The following MIER1 variants were observed in gnomAD, a reference collection of about 807,000 sequenced individuals.
The protein encoded by MIER1 is MIER1 transcriptional regulator.
A neutral mutation model predicts 75.7 loss-of-function variants in MIER1; 40 were observed. The observed-to-expected ratio is 0.53, with a 90% CI of 0.41 to 0.69. The LOEUF (loss-of-function observed/expected upper bound fraction) is 0.69. MIER1 is among the 30% of genes least tolerant of loss of function. MIER1 has a pLI of 0.00. For synonymous variants in MIER1, 213 were observed against 223.4 expected (o/e 0.95, Z 0.42); for missense variants, 574 against 680.2 (o/e 0.84, Z 1.74).
rs1427447891 is a variant in MIER1 at position 66,963,144 on chromosome 1, C to T, written c.756C>T (p.Tyr252=). The part of the protein sequence containing the change: ...QAEIPVGICR[Y]KENEKVYEND... ...AAATTCCAGTTGGCATTTGTAGATA[C>T]AAAGAAAATGAAAAAGGTGGGTTAT... The change falls in exon 8 of 14, where the codon TAC becomes TAT. Residue 252 remains tyrosine (Y), a synonymous_variant. Transcript: ENST00000401041. 2 of 1,608,764 alleles carry T rather than the reference C, an allele frequency of 1.2e-6. No individual in the cohort carries two copies. The highest frequency in any genetic ancestry group is 2.7e-5 in the African/African-American group (2 of 74,704).
intron 3 of MIER1, among the ~76,000 whole-genome samples, chr1:66,944,633 A>C (rs1044395768): frequency 6.6e-6 from 1 of 152,044 alleles, no homozygotes; most frequent in Non-Finnish European, 1.5e-5. Context: ...TGCAGTTTTA[A>C]TAAATTTTGC....
chr1:66,973,810 GT>G (rs1258598000), intron 11 of MIER1, among the ~76,000 whole-genome samples: 1 of 152,026 alleles, frequency 6.6e-6, no homozygotes, highest in Non-Finnish European at 1.5e-5. Context: ...TTTTTAGTTA[GT>G]AGAAATGACA....
intron 4 of MIER1, among the ~76,000 whole-genome samples, chr1:66,956,632 G>T (rs1236819840): frequency 6.6e-6 from 1 of 152,190 alleles, no homozygotes; most frequent in Non-Finnish European, 1.5e-5. Flanking sequence ...TTGTTTGCCA[G>T]CTGGTTATTT....
At chr1:66,959,911 T>A (rs1660924224) in intron 7 of MIER1, 168 bp downstream of exon 7, 2 of 340,752 alleles carry the variant, frequency 5.9e-6, no homozygotes, top group South Asian at 8.9e-5. Flanking sequence ...TTAACACATC[T>A]AGGTTAGATT....
At chr1:66,954,172 G>T (rs1168917851) in intron 4 of MIER1, among the ~76,000 whole-genome samples, 1 of 152,142 alleles carries the variant, frequency 6.6e-6, no homozygotes, top group African/African-American at 2.4e-5. Flanking sequence ...AGGTGAATGT[G>T]TAGTGAATGA....
chr1:66,942,435 A>G lies in MIER1; in HGVS notation c.193+2383A>G, dbSNP rs1656463041. Among the ~76,000 whole-genome samples, 3 of 152,218 alleles carry G rather than the reference A, an allele frequency of 2.0e-5. 1 individual carries two copies. The highest frequency in any genetic ancestry group is 2.0e-4 in the Admixed American group (3 of 15,288). On this transcript the variant is annotated intron_variant, in intron 3 of 13. Transcript: ENST00000401041. Reference sequence around the variant, plus strand: ...TTAAAAAGTGATTAAATGAGTAGACATGATACAAACTGAATTTACCTTTGA... The same window carrying G: ...TTAAAAAGTGATTAAATGAGTAGACGTGATACAAACTGAATTTACCTTTGA...
intron 4 of MIER1, among the ~76,000 whole-genome samples, chr1:66,951,933 C>T (rs562486947): frequency 2.6e-5 from 4 of 152,184 alleles, no homozygotes; most frequent in Admixed American, 6.5e-5. Flanking sequence ...TGCCTGGGTT[C>T]GTAATCCAGT....
At chr1:66,936,030 T>C (rs780034016) in intron 2 of MIER1, among the ~76,000 whole-genome samples, 1 of 152,214 alleles carries the variant, frequency 6.6e-6, no homozygotes, top group Non-Finnish European at 1.5e-5. Context: ...TTTTAAAATA[T>C]ATCAGTAGGA....
intron 2 of MIER1, among the ~76,000 whole-genome samples, chr1:66,937,875 A>C (rs1655287867): frequency 6.6e-6 from 1 of 152,194 alleles, no homozygotes; most frequent in South Asian, 2.1e-4. Context: ...ACCCCCAAAC[A>C]TATAGAACAG....
intron 12 of MIER1, among the ~76,000 whole-genome samples, chr1:66,978,648 T>A (rs1292023444): frequency 1.3e-5 from 2 of 152,212 alleles, no homozygotes; most frequent in African/African-American, 4.8e-5. Context: ...ACATCTTTTA[T>A]TTTTTTCAAC....
At chr1:66,972,247 T>TATATATATATAG (rs1182743224) in intron 10 of MIER1, among the ~76,000 whole-genome samples, 2 of 88,792 alleles carry the variant, frequency 2.3e-5, no homozygotes, top group Non-Finnish European at 4.2e-5. Context: ...TATATATATA[T>TATATATATATAG]ATATATATAT....
At position 66,985,240 on chromosome 1, in the gene MIER1, TTAA is replaced by T; in HGVS notation, c.*342_*344del. ...TATCTGTACCTTCTCATTTGATGTA[TTAA>T]TCATAAAATTTCACTACAAGGTAAT... is the stretch of plus-strand genomic sequence containing the variant. On this transcript the variant is annotated 3_prime_UTR_variant, in exon 14 of 14. Coordinates refer to ENST00000401041, the MANE Select transcript of MIER1 (RefSeq NM_001077700.3). 1.0e-6 allele frequency: 1 copy of T among 971,686 alleles called. No homozygotes were observed. Among genetic ancestry groups the T allele is most frequent in the South Asian group, 4.8e-5 (1 of 20,936 alleles). 60.2% of individuals were successfully genotyped at this position (971,686 alleles called of 1,614,324 possible).
At chr1:66,962,924 T>C (rs183151613) in intron 7 of MIER1, among the ~76,000 whole-genome samples, 164 bp from the exon 8 acceptor site, 114 of 152,338 alleles carry the variant, frequency 7.5e-4, no homozygotes, top group African/African-American at 2.4e-3. Flanking sequence ...CCAGTCATTA[T>C]TTGTCATTCA....
At chr1:66,966,449 G>T (rs1199854574) in intron 8 of MIER1, among the ~76,000 whole-genome samples, 4 of 152,154 alleles carry the variant, frequency 2.6e-5, no homozygotes, top group African/African-American at 9.7e-5. Context: ...TGGACATTTG[G>T]GTTGGTTCCA....
intron 2 of MIER1, chr1:66,928,921 G>A: frequency 1.2e-6 from 2 of 1,609,414 alleles, no homozygotes; most frequent in Non-Finnish European, 1.7e-6. Context: ...TGTTTAATTG[G>A]TTTACAGACT....
At chr1:66,951,253 C>T (rs1385853070) in intron 4 of MIER1, among the ~76,000 whole-genome samples, 1 of 152,152 alleles carries the variant, frequency 6.6e-6, no homozygotes, top group African/African-American at 2.4e-5. Context: ...CCTCACCTCC[C>T]ACGTAGCTGG....
At chr1:66,980,308 A>G (rs890488353) in intron 12 of MIER1, among the ~76,000 whole-genome samples, 5 of 152,224 alleles carry the variant, frequency 3.3e-5, no homozygotes, top group African/African-American at 1.2e-4. Flanking sequence ...TAGGTATTCA[A>G]GACCATCTAA....
At chr1:66,930,179 C>T (rs1362062697) in intron 2 of MIER1, 7 of 1,309,564 alleles carry the variant, frequency 5.3e-6, no homozygotes, top group Non-Finnish European at 4.9e-6. Flanking sequence ...TGGTCTTTTC[C>T]CTCCAGTCCA....
intron 2 of MIER1, among the ~76,000 whole-genome samples, chr1:66,926,757 T>C (rs114954262): frequency 3.9e-5 from 6 of 152,322 alleles, no homozygotes; most frequent in Middle Eastern, 3.4e-3. Flanking sequence ...AAGAGACTCA[T>C]GGACGCTGAA....
Sources: gnomAD v4.1 joint callset for allele counts (sites outside exome capture counted in the v4.1 genomes callset) on GRCh38, gnomAD v4.1.1 for gene constraint, MANE v1.5 for transcripts, NCBI Gene and HGNC (gene_info 2026-07-23, HGNC 2026-07-21) for gene names.